Variants in TENM3 observed in about 807,000 individuals in gnomAD.
TENM3 encodes teneurin-3.
Under a neutral mutation model 255.1 loss-of-function variants are expected in TENM3, and 63 were observed. The ratio of observed to expected loss-of-function variants is 0.25; its 90% CI spans 0.20 to 0.30. TENM3 has a LOEUF of 0.30. Ranked by LOEUF, TENM3 falls within the 10% of genes least tolerant of loss-of-function variation. The pLI is 1.00. For synonymous variants in TENM3, 1,306 were observed against 1,322.3 expected, an observed-to-expected ratio of 0.99 and a Z score of 0.27; for missense variants, 2,929 against 3,461.1, an observed-to-expected ratio of 0.85 and a Z score of 3.86.
rs112774625 is a variant in TENM3 at position 182,549,496 on chromosome 4, T to G, written c.512-51428T>G. Among the ~76,000 whole-genome samples the G allele has an allele frequency of 3.6e-4, 55 of 152,238 alleles. No homozygotes were observed. In the East Asian group the frequency reaches 6.6e-3, roughly 18 times the overall value. On this transcript the variant is annotated intron_variant, in intron 3 of 27. Transcript: ENST00000511685. ...TTAAGCGCTTAGCTTTTGGTGTTTT[T>G]GGGATTAGGAATGTGTGTTCTTGTA...
At chr4:181,509,566 T>C in the TENM3 span, among the ~76,000 whole-genome samples, 24,785 of 152,128 alleles carry the variant, frequency 0.16, 2,067 homozygotes, top group East Asian at 0.26. Flanking sequence ...ATCCACAGAA[T>C]TGACCTTCTT....
the TENM3 span, among the ~76,000 whole-genome samples, chr4:181,944,644 C>A: frequency 6.6e-6 from 1 of 151,868 alleles, no homozygotes; most frequent in Non-Finnish European, 1.5e-5. Context: ...CTGTGATGGC[C>A]GGAGCCACCG....
chr4:182,143,835 C>G (rs1749658811), upstream of TENM3: 1 of 152,560 alleles, frequency 6.6e-6, no homozygotes, highest in Admixed American at 6.5e-5. This position sits in a 1 kb window ranked among gnomAD's most constrained non-coding sequence, Gnocchi z 4.3. Flanking sequence ...GTGTTATTCA[C>G]GGATGACCCC....
the TENM3 span, among the ~76,000 whole-genome samples, chr4:181,712,433 C>A: frequency 6.6e-6 from 1 of 152,128 alleles, no homozygotes. Flanking sequence ...AGGTATCACT[C>A]CCCCTTTGCC....
the TENM3 span, among the ~76,000 whole-genome samples, chr4:181,703,314 C>T: frequency 6.6e-6 from 1 of 152,196 alleles, no homozygotes; most frequent in African/African-American, 2.4e-5. Context: ...AGAGAGCCTT[C>T]TATTCTCTGC....
chr4:182,360,499 C>G (rs1765885758), intron 3 of TENM3, among the ~76,000 whole-genome samples: 1 of 148,646 alleles, frequency 6.7e-6, no homozygotes, highest in South Asian at 2.2e-4. Context: ...CTCTTTTGAT[C>G]TTTGTTGGTT....
At position 182,730,244 on chromosome 4, in the gene TENM3, C is replaced by T. The variant is rs1435452063; in HGVS notation, c.2630C>T (p.Thr877Ile). 1 of 1,613,736 alleles carries T rather than the reference C, an allele frequency of 6.2e-7. No homozygotes were observed. Among genetic ancestry groups the T allele is most frequent in the Non-Finnish European group, 8.5e-7 (1 of 1,179,812 alleles). ...IRGQVLTADG[T>I]PLIGVNVSFF... ...GGCCAAGTACTGACTGCTGATGGAA[C>T]TCCACTTATTGGAGTAAATGTCTCG... Residue 877 changes from threonine (T) to isoleucine (I), a missense_variant, in exon 15 of 28, where the codon ACT (threonine) becomes ATT (isoleucine). Thr to Ile is a moderately conservative substitution (Grantham distance 89). This residue lies in a region of TENM3 where 1,608 missense variants were observed against 1,884.4 expected (regional missense o/e 0.85). Transcript: ENST00000511685.
chr4:182,449,049 T>C, intron 3 of TENM3: 1 of 370,424 alleles, frequency 2.7e-6, no homozygotes, highest in South Asian at 1.8e-5. Flanking sequence ...TGGGCTCGGT[T>C]CCTCACGGCC....
At chr4:182,684,197 A>ATGAT (rs1004017442) in intron 11 of TENM3, among the ~76,000 whole-genome samples, 2 of 151,280 alleles carry the variant, frequency 1.3e-5, no homozygotes, top group African/African-American at 4.9e-5. Flanking sequence ...GAAGAGGACA[A>ATGAT]TGATAGAGGA....
At chr4:182,549,119 A>T (rs1361465051) in intron 3 of TENM3, among the ~76,000 whole-genome samples, 2 of 152,216 alleles carry the variant, frequency 1.3e-5, no homozygotes, top group Non-Finnish European at 2.9e-5. Context: ...GTGTCCGGTG[A>T]CACTGCAGAA....
the TENM3 span, among the ~76,000 whole-genome samples, chr4:181,464,702 G>A: frequency 6.6e-6 from 1 of 152,018 alleles, no homozygotes; most frequent in Admixed American, 6.6e-5. Flanking sequence ...TGTAATCCCA[G>A]GACTTTGGGA....
At chr4:182,051,299 C>T in the TENM3 span, among the ~76,000 whole-genome samples, 1 of 150,580 alleles carries the variant, frequency 6.6e-6, no homozygotes, top group East Asian at 2.0e-4. Context: ...GCTGAGATTG[C>T]ACCATTGCAC....
the TENM3 span, among the ~76,000 whole-genome samples, chr4:181,968,999 CA>C: frequency 1.5e-5 from 2 of 134,056 alleles, no homozygotes; most frequent in African/African-American, 5.2e-5. Context: ...TCTCTATATA[CA>C]TATATATGTG....
At chr4:182,718,543 G>T (rs1240926734) in intron 13 of TENM3, among the ~76,000 whole-genome samples, 1 of 149,776 alleles carries the variant, frequency 6.7e-6, no homozygotes, top group Non-Finnish European at 1.5e-5. Flanking sequence ...GGTCTACTAT[G>T]GGAATAAGAA....
chr4:181,895,820 C>T, the TENM3 span, among the ~76,000 whole-genome samples: 1 of 152,060 alleles, frequency 6.6e-6, no homozygotes, highest in African/African-American at 2.4e-5. Flanking sequence ...GCTGGGATTA[C>T]AGTTGTGAGC....
the TENM3 span, among the ~76,000 whole-genome samples, chr4:181,693,921 A>G: frequency 6.6e-6 from 1 of 152,154 alleles, no homozygotes; most frequent in Non-Finnish European, 1.5e-5. Context: ...CAGAATACAG[A>G]TCTTTTGGGG....
At chr4:182,064,713 G>T in the TENM3 span, among the ~76,000 whole-genome samples, 1 of 152,142 alleles carries the variant, frequency 6.6e-6, no homozygotes, top group African/African-American at 2.4e-5. Context: ...TGCTTGCCCC[G>T]GGGAGAGACT....
intron 19 of TENM3, among the ~76,000 whole-genome samples, chr4:182,744,712 T>C (rs1761879302): frequency 6.6e-6 from 1 of 152,236 alleles, no homozygotes; most frequent in Non-Finnish European, 1.5e-5. Context: ...AATTCCTCTT[T>C]GCCTATAGTT....
rs78537952 is a variant in TENM3 at position 182,739,618 on chromosome 4, T to G, written c.3379+1074T>G. ...TATAGCTAATGGTCAGTTTTTCATA[T>G]TAATGTTGCTTCAGTGTTCATTCCT... On this transcript the variant is annotated intron_variant, in intron 18 of 27. Coordinates refer to ENST00000511685, the MANE Select transcript of TENM3 (RefSeq NM_001080477.4). Among the ~76,000 whole-genome samples the G allele has an allele frequency of 3.9e-3, 600 of 152,366 alleles. 3 individuals carry two copies. The highest frequency in any genetic ancestry group is 0.014 in the Middle Eastern group (4 of 294).
Sources: gnomAD v4.1 joint callset for allele counts (sites outside exome capture counted in the v4.1 genomes callset) on GRCh38, gnomAD v4.1.1 for gene constraint, gnomAD v4.1.1 regional missense constraint, Gnocchi (gnomAD v3.1) non-coding constraint, MANE v1.5 for transcripts, NCBI Gene and HGNC (gene_info 2026-07-23, HGNC 2026-07-21) for gene names.